The following RASA2 variants were observed in gnomAD, a reference collection of about 807,000 sequenced individuals.
RASA2 encodes ras GTPase-activating protein 2.
In RASA2, 155 loss-of-function variants were observed where a neutral mutation model predicts 118.2. The observed-to-expected ratio is 1.31, with a 90% confidence interval of 1.15 to 1.50. RASA2 has a LOEUF of 1.50. Ranked by LOEUF, RASA2 falls within the 40% of genes most tolerant of loss-of-function variation. The pLI, the probability that RASA2 is intolerant of heterozygous loss-of-function variation, is 0.00. For synonymous variants in RASA2, 353 were observed against 349.1 expected (o/e 1.01, Z -0.12); for missense variants, 1,016 against 1,009.6 (o/e 1.01, Z -0.09).
At chr3:141,601,279 T>A (rs956229198) in intron 19 of RASA2, among the ~76,000 whole-genome samples, 1 of 151,984 alleles carries the variant, frequency 6.6e-6, no homozygotes, top group African/African-American at 2.4e-5. Context: ...ATACAAAAAT[T>A]AGCTGTGCAT....
At chr3:141,580,052 T>A in intron 15 of RASA2, among the ~76,000 whole-genome samples, 1 of 87,712 alleles carries the variant, frequency 1.1e-5, no homozygotes, top group South Asian at 4.4e-4. Flanking sequence ...TGAGACTCCA[T>A]CTCAGGAAAA....
chr3:141,495,027 G>T (rs1363905351), intron 1 of RASA2, among the ~76,000 whole-genome samples: 3 of 152,174 alleles, frequency 2.0e-5, no homozygotes, highest in Non-Finnish European at 4.4e-5. Flanking sequence ...AAAGGTAAGT[G>T]AAGACTTATA....
intron 15 of RASA2, among the ~76,000 whole-genome samples, chr3:141,580,088 ATATAT>A (rs2083085594): frequency 1.0e-3 from 79 of 78,986 alleles, no homozygotes; most frequent in East Asian, 2.4e-3. Context: ...AAAAAAAAAT[ATATAT>A]ATATATATAT....
intron 14 of RASA2, among the ~76,000 whole-genome samples, chr3:141,575,960 A>G (rs1434385879): frequency 6.6e-6 from 1 of 152,080 alleles, no homozygotes; most frequent in Admixed American, 6.5e-5. Flanking sequence ...TATTTTTAGT[A>G]TAGATGGGGT....
intron 5 of RASA2, among the ~76,000 whole-genome samples, chr3:141,553,233 T>C (rs2082599863): frequency 6.6e-6 from 1 of 152,220 alleles, no homozygotes; most frequent in African/African-American, 2.4e-5. Flanking sequence ...TATGATGCCA[T>C]AGAGCTGGCT....
rs932292149 is a variant in RASA2, at chr3:141,505,762, G to A, written c.134-6401G>A. 4.8e-5 allele frequency among the ~76,000 whole-genome samples: 7 copies of A among 145,174 alleles called. 1 individual carries two copies. The highest frequency in any genetic ancestry group is 1.1e-4 in the Non-Finnish European group (7 of 64,346). Reference sequence around the variant, plus strand: ...ATGTTTTATTTATATTTATTTATACGTGTCTCTGTGTTTGTGTGTGTGTGT... The same window carrying A: ...ATGTTTTATTTATATTTATTTATACATGTCTCTGTGTTTGTGTGTGTGTGT... On this transcript the variant is annotated intron_variant, in intron 1 of 23. Transcript: ENST00000286364.
chr3:141,519,618 G>A lies in RASA2; in HGVS notation c.355+3187G>A, dbSNP rs537996658. Reference sequence around the variant, plus strand: ...ATTGCTTATTCGGTTTGCTGAAAGTGAAAGAAAAGACATTTTCATGGTGGT... The same window carrying A: ...ATTGCTTATTCGGTTTGCTGAAAGTAAAAGAAAAGACATTTTCATGGTGGT... On this transcript the variant is annotated intron_variant, in intron 3 of 23. Coordinates refer to ENST00000286364, the MANE Select transcript of RASA2 (RefSeq NM_006506.5). Among the ~76,000 whole-genome samples the A allele has an allele frequency of 4.4e-4, 67 of 152,264 alleles. 1 individual carries two copies. Among genetic ancestry groups the A allele is most frequent in the African/African-American group, 1.5e-3 (63 of 41,552 alleles).
intron 14 of RASA2, among the ~76,000 whole-genome samples, chr3:141,574,604 T>C (rs1222610265): frequency 6.6e-6 from 1 of 152,236 alleles, no homozygotes; most frequent in Non-Finnish European, 1.5e-5. Flanking sequence ...TTCAGTATAA[T>C]GCAACTTTAT....
intron 5 of RASA2, among the ~76,000 whole-genome samples, chr3:141,549,230 C>G (rs2082533593): frequency 6.6e-6 from 1 of 152,192 alleles, no homozygotes; most frequent in Non-Finnish European, 1.5e-5. Flanking sequence ...TTTATTTCCT[C>G]TACTTAATGA....
chr3:141,610,402 T>A (rs2083624768), intron 23 of RASA2, among the ~76,000 whole-genome samples: 2 of 108,748 alleles, frequency 1.8e-5, no homozygotes, highest in African/African-American at 7.0e-5. Flanking sequence ...TATATTTATA[T>A]ATTATATATT....
chr3:141,533,932 T>G (rs2082292979), intron 4 of RASA2, among the ~76,000 whole-genome samples: 1 of 152,202 alleles, frequency 6.6e-6, no homozygotes, highest in Admixed American at 6.5e-5. Flanking sequence ...AGTCCTCATC[T>G]TACTTGATCT....
At chr3:141,513,447 A>G (rs1472415254) in intron 2 of RASA2, among the ~76,000 whole-genome samples, 1 of 152,170 alleles carries the variant, frequency 6.6e-6, no homozygotes, top group Non-Finnish European at 1.5e-5. Context: ...TAATATTTGA[A>G]TGTGGATGTG....
intron 10 of RASA2, 121 bp downstream of exon 10, chr3:141,571,189 C>A: frequency 9.1e-7 from 1 of 1,104,080 alleles, no homozygotes; most frequent in Non-Finnish European, 1.3e-6. Flanking sequence ...TATATACATA[C>A]ATATATATAC....
At chr3:141,534,564 G>A (rs772340828) in intron 4 of RASA2, among the ~76,000 whole-genome samples, 3 of 151,108 alleles carry the variant, frequency 2.0e-5, no homozygotes, top group Non-Finnish European at 4.4e-5. Flanking sequence ...TCTGGATCAT[G>A]CCATAAGTTA....
At chr3:141,487,892 T>G (rs1308665477) in intron 1 of RASA2, among the ~76,000 whole-genome samples, 1 of 152,142 alleles carries the variant, frequency 6.6e-6, no homozygotes, top group Non-Finnish European at 1.5e-5. Flanking sequence ...CGGCCGGGAC[T>G]TGAATCGAGG....
At position 141,555,827 on chromosome 3, in the gene RASA2, C is replaced by A; in HGVS notation, c.612-13C>A. ...TAAGTTCTACAAGGTAAAACTCTAC[C>A]ACATTGGAACAGGAATGACCAAAAG... On this transcript the variant is annotated splice_polypyrimidine_tract_variant and intron_variant, in intron 6 of 23. Transcript: ENST00000286364. 6.2e-7 allele frequency: 1 copy of A among 1,605,652 alleles called. No individual in the cohort carries two copies. Among genetic ancestry groups the A allele is most frequent in the South Asian group, 1.1e-5 (1 of 90,568 alleles).
intron 3 of RASA2, among the ~76,000 whole-genome samples, chr3:141,519,900 A>C (rs1200656024): frequency 6.6e-6 from 1 of 152,106 alleles, no homozygotes; most frequent in African/African-American, 2.4e-5. Flanking sequence ...TGGAGATATG[A>C]ACAGAATACT....
At chr3:141,531,147 T>C (rs537385581) in intron 4 of RASA2, among the ~76,000 whole-genome samples, 3 of 152,136 alleles carry the variant, frequency 2.0e-5, no homozygotes, top group South Asian at 2.1e-4. Context: ...AAGGCAGATA[T>C]GAAAGTTTTA....
chr3:141,556,619 A>G (rs2082653689), intron 7 of RASA2, among the ~76,000 whole-genome samples: 2 of 152,018 alleles, frequency 1.3e-5, no homozygotes, highest in Admixed American at 1.3e-4. Context: ...ATCCTTTTTC[A>G]TATTATTTGC....
Sources: gnomAD v4.1 joint callset for allele counts (sites outside exome capture counted in the v4.1 genomes callset) on GRCh38, gnomAD v4.1.1 for gene constraint, MANE v1.5 for transcripts, NCBI Gene and HGNC (gene_info 2026-07-23, HGNC 2026-07-21) for gene names.